ATRNL1: variants seen among roughly 807,000 people sequenced by gnomAD.
The protein encoded by ATRNL1 is attractin-like protein 1.
A neutral mutation model predicts 182.7 loss-of-function variants in ATRNL1; 95 were observed. The ratio of observed to expected loss-of-function variants is 0.52; its 90% CI spans 0.44 to 0.62. The LOEUF (loss-of-function observed/expected upper bound fraction) is 0.62. Ranked by LOEUF, ATRNL1 falls within the 20% of genes least tolerant of loss-of-function variation. The pLI, the probability that ATRNL1 is intolerant of heterozygous loss-of-function variation, is 0.00. For missense variants in ATRNL1, 1,471 were observed against 1,679.5 expected (o/e 0.88, Z 2.17); for synonymous variants, 576 against 568.3 (o/e 1.01, Z -0.19).
intron 21 of ATRNL1, among the ~76,000 whole-genome samples, chr10:115,442,510 A>G (rs1215362167): frequency 6.6e-6 from 1 of 152,004 alleles, no homozygotes; most frequent in Non-Finnish European, 1.5e-5. Flanking sequence ...CAAATAATAG[A>G]TATTTTAGGC....
intron 28 of ATRNL1, among the ~76,000 whole-genome samples, chr10:115,864,805 AC>A (rs1316861124): frequency 3.3e-5 from 5 of 152,078 alleles, no homozygotes; most frequent in African/African-American, 1.2e-4. Context: ...ACACGATGAA[AC>A]CCCGTCTCTA....
rs565876212 is a variant in ATRNL1, at chr10:115,129,235, C to T, written c.621-92C>T. On this transcript the variant is annotated intron_variant, in intron 4 of 28. Coordinates refer to ENST00000355044, the MANE Select transcript of ATRNL1 (RefSeq NM_207303.4). Reference sequence around the variant, plus strand: ...CTGTTACATTTATAAGCACATAGGACACAGTATAAAAATTATAAAGTTTAT... The same window carrying T: ...CTGTTACATTTATAAGCACATAGGATACAGTATAAAAATTATAAAGTTTAT... 43 of 849,956 alleles carry T rather than the reference C, an allele frequency of 5.1e-5. 1 individual carries two copies. In the South Asian group the frequency reaches 7.0e-4, roughly 14 times the overall value. 52.7% of individuals were successfully genotyped at this position (849,956 alleles called of 1,614,324 possible).
intron 27 of ATRNL1, among the ~76,000 whole-genome samples, chr10:115,764,768 A>G (rs1316054088): frequency 6.6e-6 from 1 of 151,946 alleles, no homozygotes; most frequent in Non-Finnish European, 1.5e-5. Flanking sequence ...CGCCTCCCAC[A>G]TTCAAGCAAT....
intron 19 of ATRNL1, among the ~76,000 whole-genome samples, chr10:115,386,804 T>A (rs1554952763): frequency 8.9e-6 from 1 of 111,876 alleles, no homozygotes; most frequent in Non-Finnish European, 1.8e-5. Flanking sequence ...CCTAATGCTA[T>A]CCCTCCCCCC....
chr10:115,938,867 A>G (rs1429715087), intron 28 of ATRNL1, among the ~76,000 whole-genome samples: 1 of 152,112 alleles, frequency 6.6e-6, no homozygotes, highest in Non-Finnish European at 1.5e-5. Context: ...GGGATGGGGA[A>G]AGGGAAGGTT....
At chr10:115,413,867 A>T (rs1235430402) in intron 20 of ATRNL1, among the ~76,000 whole-genome samples, 1 of 152,062 alleles carries the variant, frequency 6.6e-6, no homozygotes, top group East Asian at 1.9e-4. Flanking sequence ...ATCTTTACTT[A>T]GTGGGTTGTT....
At chr10:115,382,086 T>C (rs1858046746) in intron 19 of ATRNL1, among the ~76,000 whole-genome samples, 1 of 152,184 alleles carries the variant, frequency 6.6e-6, no homozygotes, top group Non-Finnish European at 1.5e-5. Flanking sequence ...TATTATGTAG[T>C]TTTAATATTG....
intron 8 of ATRNL1, among the ~76,000 whole-genome samples, chr10:115,188,257 G>GT (rs1488590615): frequency 1.3e-5 from 2 of 152,070 alleles, no homozygotes; most frequent in Non-Finnish European, 2.9e-5. Flanking sequence ...GTAGATAAAT[G>GT]TTTTTTCATA....
intron 26 of ATRNL1, among the ~76,000 whole-genome samples, chr10:115,600,198 C>G (rs144208292): frequency 6.7e-6 from 1 of 148,734 alleles, no homozygotes; most frequent in Non-Finnish European, 1.5e-5. Flanking sequence ...AAGTTCTATT[C>G]CAAAACTGTT....
intron 27 of ATRNL1, 96 bp from the exon 28 acceptor site, chr10:115,847,781 A>G: frequency 1.4e-6 from 1 of 708,084 alleles, no homozygotes; most frequent in East Asian, 2.7e-5. Flanking sequence ...ACAACTAGGA[A>G]TGTACAGCAC....
chr10:115,368,448 A>G (rs551831623), intron 19 of ATRNL1, among the ~76,000 whole-genome samples: 23 of 152,292 alleles, frequency 1.5e-4, no homozygotes, highest in Admixed American at 4.6e-4. Context: ...AGATGAACCC[A>G]GTACCTCAGA....
intron 5 of ATRNL1, among the ~76,000 whole-genome samples, chr10:115,148,195 T>A (rs12779941): frequency 6.6e-6 from 1 of 152,058 alleles, no homozygotes; most frequent in East Asian, 1.9e-4. Flanking sequence ...CTAGGTATTT[T>A]ATTTTTTTTG....
chr10:115,455,105 G>T (rs1389648153), intron 21 of ATRNL1, among the ~76,000 whole-genome samples: 1 of 152,032 alleles, frequency 6.6e-6, no homozygotes, highest in Non-Finnish European at 1.5e-5. Flanking sequence ...TCATGAAAGG[G>T]TGTTGAACTT....
intron 10 of ATRNL1, among the ~76,000 whole-genome samples, chr10:115,251,825 G>A (rs1355547397): frequency 3.9e-5 from 6 of 152,178 alleles, no homozygotes; most frequent in Non-Finnish European, 4.4e-5. Context: ...CATCCAGATA[G>A]CAAGTGAACA....
intron 26 of ATRNL1, among the ~76,000 whole-genome samples, chr10:115,667,061 G>T (rs1365549524): frequency 6.6e-6 from 1 of 152,080 alleles, no homozygotes; most frequent in Non-Finnish European, 1.5e-5. Flanking sequence ...TTTTGGTAGT[G>T]TACCAGGTAT....
At chr10:115,716,195 G>A (rs782776653) in intron 26 of ATRNL1, among the ~76,000 whole-genome samples, 3 of 152,006 alleles carry the variant, frequency 2.0e-5, no homozygotes, top group Non-Finnish European at 4.4e-5. Flanking sequence ...TTCCAATGGA[G>A]ACTTAAAAAA....
At chr10:115,436,822 A>G (rs1160821169) in intron 21 of ATRNL1, among the ~76,000 whole-genome samples, 1 of 152,096 alleles carries the variant, frequency 6.6e-6, no homozygotes, top group Non-Finnish European at 1.5e-5. Flanking sequence ...GTTAGACTCC[A>G]TGGATAACAA....
intron 19 of ATRNL1, among the ~76,000 whole-genome samples, chr10:115,339,401 T>C (rs1490122098): frequency 6.6e-6 from 1 of 152,172 alleles, no homozygotes; most frequent in Non-Finnish European, 1.5e-5. Flanking sequence ...ATTAGTGTTT[T>C]ATAGTTTCCA....
intron 21 of ATRNL1, among the ~76,000 whole-genome samples, chr10:115,440,836 C>T (rs782232700): frequency 6.6e-6 from 1 of 151,844 alleles, no homozygotes; most frequent in Non-Finnish European, 1.5e-5. Context: ...AAGGAAAATG[C>T]AAAACTACCT....
Sources: gnomAD v4.1 joint callset for allele counts (sites outside exome capture counted in the v4.1 genomes callset) on GRCh38, gnomAD v4.1.1 for gene constraint, MANE v1.5 for transcripts, NCBI Gene and HGNC (gene_info 2026-07-23, HGNC 2026-07-21) for gene names.